Variants in ZYG11A observed in about 807,000 individuals in gnomAD.
The protein encoded by ZYG11A is zyg-11 family member A, cell cycle regulator.
In ZYG11A, 62 loss-of-function variants were observed where a neutral mutation model predicts 77.2. That is an observed-to-expected ratio of 0.80 (90% CI 0.65 to 0.99). The LOEUF (loss-of-function observed/expected upper bound fraction) is 0.99, where lower values mean the gene tolerates loss of function less well. Ranked by LOEUF, ZYG11A falls within the 50% of genes least tolerant of loss-of-function variation. The probability of loss-of-function intolerance (pLI) is 0.00; values close to 1 mark genes in which losing one functional copy is unlikely to be tolerated. For synonymous variants in ZYG11A, 315 were observed against 324.6 expected (o/e 0.97, Z 0.32); for missense variants, 828 against 896.8 (o/e 0.92, Z 0.98).
chr1:52,884,413 G>A (rs376805339), intron 11 of ZYG11A, among the ~76,000 whole-genome samples: 12 of 150,100 alleles, frequency 8.0e-5, no homozygotes, highest in African/African-American at 2.7e-4. Context: ...GGAGAATGAC[G>A]TGAACCTGGG....
intron 2 of ZYG11A, among the ~76,000 whole-genome samples, chr1:52,855,770 T>C (rs1484155539): frequency 2.6e-5 from 4 of 152,250 alleles, no homozygotes; most frequent in Non-Finnish European, 5.9e-5. Flanking sequence ...CATATTCTAC[T>C]GTATGGACAT....
At chr1:52,855,337 G>A (rs1452533552) in intron 2 of ZYG11A, among the ~76,000 whole-genome samples, 1 of 151,870 alleles carries the variant, frequency 6.6e-6, no homozygotes, top group Non-Finnish European at 1.5e-5. Context: ...ACAGATGTGA[G>A]TCACCATGTC....
Position 52,849,395 on chromosome 1 carries a change from G to A in ZYG11A, c.91-5070G>A, listed in dbSNP as rs1005808030. The stretch of plus-strand genomic sequence containing the variant: ...TTTACTTTTTTTGAGACCAAGTCTT[G>A]CTCTGTCGCTCAGGCTGGAGTGCAG... On this transcript the variant is annotated intron_variant, in intron 1 of 13. Transcript: ENST00000371528. 8.6e-5 allele frequency among the ~76,000 whole-genome samples: 13 copies of A among 150,694 alleles called. 1 individual carries two copies. Among genetic ancestry groups the A allele is most frequent in the Admixed American group, 6.6e-4 (10 of 15,140 alleles).
In ZYG11A at chr1:52,882,434, A is replaced by T. The variant is rs12121425; in HGVS notation, c.1944+769A>T. The stretch of plus-strand genomic sequence containing the variant: ...GTGGTCTGCTTGTTTTGTACACCGT[A>T]TATGGTGGACTGCTGTCATCCTCGG... On this transcript the variant is annotated intron_variant, in intron 11 of 13. Coordinates refer to ENST00000371528, the MANE Select transcript of ZYG11A (RefSeq NM_001004339.3). Among the ~76,000 whole-genome samples, 674 of 152,234 alleles carry T rather than the reference A, an allele frequency of 4.4e-3. 3 individuals carry two copies. The highest frequency in any genetic ancestry group is 7.4e-3 in the Non-Finnish European group (502 of 68,010).
chr1:52,891,548 A>AAT (rs1646543859), intron 13 of ZYG11A, among the ~76,000 whole-genome samples: 1 of 151,874 alleles, frequency 6.6e-6, no homozygotes, highest in Non-Finnish European at 1.5e-5. Context: ...CAGGTAGTGT[A>AAT]AACTCAAACC....
chr1:52,845,417 C>G (rs900192511), intron 1 of ZYG11A, among the ~76,000 whole-genome samples: 1 of 150,780 alleles, frequency 6.6e-6, no homozygotes, highest in Admixed American at 6.7e-5. Flanking sequence ...GCGATTCTCT[C>G]GCCTCAGCCT....
chr1:52,876,383 A>G (rs1407776404), intron 8 of ZYG11A, among the ~76,000 whole-genome samples: 1 of 152,122 alleles, frequency 6.6e-6, no homozygotes, highest in Non-Finnish European at 1.5e-5. Context: ...CCAGGAACAT[A>G]AAGTTGCTGG....
chr1:52,873,696 A>G (rs2150011822), intron 8 of ZYG11A, among the ~76,000 whole-genome samples: 1 of 152,218 alleles, frequency 6.6e-6, no homozygotes, highest in Non-Finnish European at 1.5e-5. Context: ...AATTTGAAAG[A>G]AGTTCTAGGC....
At chr1:52,850,327 T>G (rs866494437) in intron 1 of ZYG11A, among the ~76,000 whole-genome samples, 4 of 151,624 alleles carry the variant, frequency 2.6e-5, no homozygotes, top group Non-Finnish European at 5.9e-5. Flanking sequence ...CTATTTTTTT[T>G]TTTTTTTTTG....
intron 10 of ZYG11A, among the ~76,000 whole-genome samples, chr1:52,880,809 C>CA (rs1646350790): frequency 6.6e-6 from 1 of 152,182 alleles, no homozygotes; most frequent in African/African-American, 2.4e-5. Context: ...GCAGTAAATT[C>CA]TCCCCCGGTG....
chr1:52,878,043 T>TAA, intron 10 of ZYG11A, 74 bp downstream of exon 10: 31 of 1,266,298 alleles, frequency 2.4e-5, no homozygotes, highest in Non-Finnish European at 3.1e-5. Context: ...ACCTACTATA[T>TAA]GCTAGGCAGT....
At chr1:52,885,762 G>T in intron 11 of ZYG11A, 71 bp from the exon 12 acceptor site, 3 of 1,231,284 alleles carry the variant, frequency 2.4e-6, no homozygotes, top group Non-Finnish European at 3.4e-6. Context: ...ATCGTTCCCA[G>T]ATTTTGAAAC....
chr1:52,846,333 TATATATATATATATATATA>T (rs1159311520), intron 1 of ZYG11A, among the ~76,000 whole-genome samples: 2 of 12,664 alleles, frequency 1.6e-4, no homozygotes, highest in East Asian at 4.0e-3. Context: ...TATATATATA[TATATATATATATATATATA>T]TATATATATA....
chr1:52,879,212 A>G (rs1646318944), intron 10 of ZYG11A, among the ~76,000 whole-genome samples: 1 of 152,222 alleles, frequency 6.6e-6, no homozygotes, highest in Non-Finnish European at 1.5e-5. Context: ...GCACTTTGCC[A>G]TGCCATATGC....
chr1:52,889,935 G>A (rs967746915), intron 13 of ZYG11A, among the ~76,000 whole-genome samples: 2 of 151,252 alleles, frequency 1.3e-5, no homozygotes, highest in Non-Finnish European at 2.9e-5. Flanking sequence ...GGATGGTCTC[G>A]ATCTCCGGAC....
In ZYG11A at chr1:52,857,440, C is replaced by G; in HGVS notation, c.699C>G (p.Leu233=). The G allele has an allele frequency of 6.4e-7, 1 of 1,552,108 alleles. No individual in the cohort carries two copies. Among genetic ancestry groups the G allele is most frequent in the African/African-American group, 1.4e-5 (1 of 73,168 alleles). The change falls in exon 3 of 14, where the codon CTC becomes CTG. Residue 233 remains leucine, a synonymous_variant. Transcript: ENST00000371528. ...CCTGTAAGGATCGATTGAAGTCTCTCACAATGCACTATCTGAAATGCCTGG... is the reference window on the plus strand; with the variant it reads ...CCTGTAAGGATCGATTGAAGTCTCTGACAATGCACTATCTGAAATGCCTGG... ...LLTCKDRLKS[L]TMHYLKCLAM... is the part of the protein sequence containing the mutation.
intron 13 of ZYG11A, among the ~76,000 whole-genome samples, chr1:52,889,942 G>C (rs534890809): frequency 1.3e-5 from 2 of 151,478 alleles, no homozygotes; most frequent in Non-Finnish European, 2.9e-5. Flanking sequence ...CTCGATCTCC[G>C]GACCTCATGA....
chr1:52,879,523 A>G (rs1646324491), intron 10 of ZYG11A, among the ~76,000 whole-genome samples: 1 of 152,230 alleles, frequency 6.6e-6, no homozygotes, highest in African/African-American at 2.4e-5. Flanking sequence ...ACGGAAAAGT[A>G]TAAAGAAGGG....
chr1:52,886,921 C>A (rs1344438229), intron 12 of ZYG11A, 35 bp from the exon 13 acceptor site: 1 of 1,130,716 alleles, frequency 8.8e-7, no homozygotes, highest in South Asian at 1.3e-5. Context: ...CCTAACTGTT[C>A]TGGATTAACA....
Sources: allele counts gnomAD v4.1 joint callset (sites outside exome capture counted in the v4.1 genomes callset), GRCh38; gene constraint gnomAD v4.1.1; transcripts MANE v1.5; gene names NCBI Gene and HGNC (gene_info 2026-07-23, HGNC 2026-07-21).